Variants in LUC7L observed in about 807,000 individuals in gnomAD.
The protein encoded by LUC7L is putative RNA-binding protein Luc7-like 1.
A neutral mutation model predicts 51.1 loss-of-function variants in LUC7L; 29 were observed. The ratio of observed to expected loss-of-function variants is 0.57; its 90% CI spans 0.42 to 0.77. The LOEUF (loss-of-function observed/expected upper bound fraction) is 0.77. Ranked by LOEUF, LUC7L falls within the 30% of genes least tolerant of loss-of-function variation. LUC7L has a pLI of 0.00. For synonymous variants in LUC7L, 181 were observed against 180.7 expected, an observed-to-expected ratio of 1.00 and a Z score of -0.01; for missense variants, 403 against 511.9, an observed-to-expected ratio of 0.79 and a Z score of 2.05.
intron 6 of LUC7L, among the ~76,000 whole-genome samples, chr16:194,325 T>G (rs1296564534): frequency 6.6e-6 from 1 of 152,122 alleles, no homozygotes; most frequent in Admixed American, 6.5e-5. Context: ...CAGGCTGAGC[T>G]TGAACTCCTC....
At chr16:205,923 G>A in intron 5 of LUC7L, 81 bp downstream of exon 5, 1 of 1,493,088 alleles carries the variant, frequency 6.7e-7, no homozygotes, top group Non-Finnish European at 9.1e-7. Context: ...ATGGGAGCAA[G>A]CATGGGCTCA....
At chr16:194,462 A>G (rs2049098427) in intron 6 of LUC7L, among the ~76,000 whole-genome samples, 1 of 152,194 alleles carries the variant, frequency 6.6e-6, no homozygotes, top group South Asian at 2.1e-4. Flanking sequence ...CTATACTTCT[A>G]ACTCACAGGG....
chr16:205,180 T>C (rs888275442), intron 5 of LUC7L, among the ~76,000 whole-genome samples: 1 of 152,226 alleles, frequency 6.6e-6, no homozygotes, highest in Non-Finnish European at 1.5e-5. Flanking sequence ...CGTTTGCATG[T>C]AGCCTCTTCT....
chr16:189,871 A>G, intron 9 of LUC7L, 97 bp downstream of exon 9: 1 of 1,524,784 alleles, frequency 6.6e-7, no homozygotes. Flanking sequence ...GGGTGAGCCC[A>G]GCCCCATCCC....
chr16:221,186 A>ATTTTTTTTTTTTTTTTT (rs372906826), intron 2 of LUC7L, among the ~76,000 whole-genome samples: 3 of 101,242 alleles, frequency 3.0e-5, no homozygotes, highest in African/African-American at 7.4e-5. Context: ...CACCCAGCTA[A>ATTTTTTTTTTTTTTTTT]TTTTTTTTTT....
intron 6 of LUC7L, 115 bp from the exon 7 acceptor site, chr16:193,130 G>T: frequency 1.2e-6 from 1 of 833,962 alleles, no homozygotes. Context: ...AAATTGAAGG[G>T]ACACTTTTAG....
chr16:224,285 G>A (rs542313921), intron 2 of LUC7L, among the ~76,000 whole-genome samples: 10 of 151,828 alleles, frequency 6.6e-5, no homozygotes, highest in Admixed American at 1.3e-4. Flanking sequence ...TTGGGAGGCC[G>A]AGGAGGGCGG....
intron 3 of LUC7L, among the ~76,000 whole-genome samples, chr16:212,575 G>GT (rs1340498752): frequency 6.6e-6 from 1 of 152,124 alleles, no homozygotes; most frequent in Non-Finnish European, 1.5e-5. Context: ...CTGGACAACT[G>GT]TAAGACAGGA....
intron 5 of LUC7L, among the ~76,000 whole-genome samples, chr16:202,132 G>A (rs1025217314): frequency 3.3e-5 from 5 of 151,910 alleles, no homozygotes; most frequent in Admixed American, 1.3e-4. Flanking sequence ...CTCCTGCCTC[G>A]ACCTTCCAAA....
At chr16:194,630 G>T (rs2049102417) in intron 6 of LUC7L, among the ~76,000 whole-genome samples, 1 of 152,170 alleles carries the variant, frequency 6.6e-6, no homozygotes, top group South Asian at 2.1e-4. Flanking sequence ...TGGGTGCTAC[G>T]CTGGCTTTAG....
chr16:228,651 CTGTGACAACCATCATGATCT>C (rs2050186242), intron 1 of LUC7L: 1 of 1,183,104 alleles, frequency 8.5e-7, no homozygotes, highest in Non-Finnish European at 1.1e-6. Context: ...CCGCTTTCTC[CTGTGACAACCATCATGATCT>C]TGAGCTCCTC....
intron 2 of LUC7L, among the ~76,000 whole-genome samples, chr16:223,665 T>C (rs776163581): frequency 6.6e-6 from 1 of 151,674 alleles, no homozygotes; most frequent in Non-Finnish European, 1.5e-5. Flanking sequence ...CCTCATTCAC[T>C]CTGTTTTTTC....
chr16:207,776 G>GA (rs1231710282), intron 4 of LUC7L, among the ~76,000 whole-genome samples: 2 of 152,200 alleles, frequency 1.3e-5, no homozygotes, highest in Admixed American at 6.5e-5. Context: ...TTGGGAGGCT[G>GA]AGGCAGGCAG....
At chr16:202,535 T>C (rs2049365050) in intron 5 of LUC7L, among the ~76,000 whole-genome samples, 1 of 152,004 alleles carries the variant, frequency 6.6e-6, no homozygotes, top group Non-Finnish European at 1.5e-5. Flanking sequence ...GTGTTGCAAC[T>C]GCCTATAGTA....
At chr16:201,607 T>C (rs1201859145) in intron 5 of LUC7L, among the ~76,000 whole-genome samples, 1 of 151,980 alleles carries the variant, frequency 6.6e-6, no homozygotes, top group Non-Finnish European at 1.5e-5. Flanking sequence ...GCCCGGCCAA[T>C]TTTTTGTATT....
chr16:222,547 G>A (rs1259017191), intron 2 of LUC7L, among the ~76,000 whole-genome samples: 1 of 151,946 alleles, frequency 6.6e-6, no homozygotes, highest in Admixed American at 6.6e-5. Context: ...CTGAGGGGAA[G>A]AGATCGCTTG....
At chr16:227,755 T>C (rs1166329787) in intron 1 of LUC7L, 3 of 1,007,402 alleles carry the variant, frequency 3.0e-6, no homozygotes, top group African/African-American at 1.7e-5. Flanking sequence ...CTTTTTGTTA[T>C]GAACAAATGC....
chr16:206,816 C>T (rs1297647236), intron 4 of LUC7L, among the ~76,000 whole-genome samples: 5 of 146,416 alleles, frequency 3.4e-5, no homozygotes, highest in Admixed American at 7.1e-5. Flanking sequence ...CCCAGCACTT[C>T]GGGAGGACAA....
chr16:216,740 C>A (rs567481380), intron 3 of LUC7L, among the ~76,000 whole-genome samples: 13 of 152,208 alleles, frequency 8.5e-5, no homozygotes, highest in African/African-American at 2.9e-4. Context: ...GTGGGAGATG[C>A]GGGTAGTTTT....
Sources: allele counts gnomAD v4.1 joint callset (sites outside exome capture counted in the v4.1 genomes callset), GRCh38; gene constraint gnomAD v4.1.1; transcripts MANE v1.5; gene names NCBI Gene and HGNC (gene_info 2026-07-23, HGNC 2026-07-21).